Variants in ANKRD11 observed in about 807,000 individuals in gnomAD.
ANKRD11 encodes the protein ankyrin repeat domain 11, also known as ankyrin repeat domain-containing protein 11.
ANKRD11 carries 17 observed loss-of-function variants against 195.7 expected under a neutral mutation model. The ratio of observed to expected loss-of-function variants is 0.09; its 90% CI spans 0.06 to 0.13. The LOEUF (loss-of-function observed/expected upper bound fraction) is 0.13. ANKRD11 is among the 10% of genes least tolerant of loss of function. The pLI is 1.00. For synonymous variants in ANKRD11, 1,953 were observed against 1,528.1 expected (o/e 1.28, Z -6.49); for missense variants, 3,735 against 3,566.1 (o/e 1.05, Z -1.21).
intron 2 of ANKRD11, among the ~76,000 whole-genome samples, chr16:89,367,806 G>T (rs2040013191): frequency 6.6e-6 from 1 of 152,148 alleles, no homozygotes; most frequent in African/African-American, 2.4e-5. Context: ...TCAAAAGCAG[G>T]TGGGGAGCCT....
intron 2 of ANKRD11, among the ~76,000 whole-genome samples, chr16:89,338,728 A>G (rs949675493): frequency 7.0e-6 from 1 of 141,896 alleles, no homozygotes; most frequent in African/African-American, 2.6e-5. Flanking sequence ...CTCAGTCTCA[A>G]AAAAAAAAAA....
At chr16:89,275,569 T>G (rs1259772089) in intron 9 of ANKRD11, among the ~76,000 whole-genome samples, 2 of 152,046 alleles carry the variant, frequency 1.3e-5, no homozygotes, top group African/African-American at 2.4e-5. Context: ...GAGCTTCCTG[T>G]GTTCACAGGG....
chr16:89,279,625 G>C lies in ANKRD11; in HGVS notation c.6917C>G (p.Pro2306Arg). The change falls in exon 9 of 13, where the codon CCT (proline) becomes CGT (arginine). Residue 2306 changes from proline to arginine, a missense_variant. Transcript: ENST00000301030. This position sits in a 1 kb window ranked among gnomAD's most constrained non-coding sequence, Gnocchi z 5.6. ...ASRAAAPAEG[P>R]PGGIQPEAAE... ...GGCTTCCGGCTGGATGCCGCCAGGAGGGCCTTCGGCTGGGGCGGCGGCACG... is the reference window on the plus strand; with the variant it reads ...GGCTTCCGGCTGGATGCCGCCAGGACGGCCTTCGGCTGGGGCGGCGGCACG... 2 of 1,438,610 alleles carry C rather than the reference G, an allele frequency of 1.4e-6. No individual in the cohort carries two copies. The highest frequency in any genetic ancestry group is 2.9e-5 in the South Asian group (2 of 68,320). 89.1% of individuals were successfully genotyped at this position (1,438,610 alleles called of 1,614,324 possible).
At chr16:89,469,034 T>C (rs955477771) in intron 1 of ANKRD11, among the ~76,000 whole-genome samples, 4 of 152,174 alleles carry the variant, frequency 2.6e-5, no homozygotes, top group Admixed American at 2.0e-4. Context: ...AAAGTGCCTT[T>C]ATGAAATCCC....
Position 89,279,061 on chromosome 16 carries a change from C to A in ANKRD11, c.7470+11G>T. ...AGAGAAGGCAGTGGCTCTCCCGGGC[C>A]CCGCACTCACCACGGGGATGTGGAG... On this transcript the variant is annotated intron_variant, in intron 9 of 12. Coordinates refer to ENST00000301030, the MANE Select transcript of ANKRD11 (RefSeq NM_013275.6). This position sits in a 1 kb window ranked among gnomAD's most constrained non-coding sequence, Gnocchi z 5.6. The A allele has an allele frequency of 6.2e-7, 1 of 1,613,734 alleles. No individual in the cohort carries two copies. Among genetic ancestry groups the A allele is most frequent in the Non-Finnish European group, 8.5e-7 (1 of 1,179,854 alleles).
intron 2 of ANKRD11, among the ~76,000 whole-genome samples, chr16:89,394,448 G>A (rs1200438115): frequency 6.6e-6 from 1 of 152,208 alleles, no homozygotes; most frequent in African/African-American, 2.4e-5. Flanking sequence ...GGCCAACATG[G>A]TGAAACCCTG....
intron 2 of ANKRD11, chr16:89,392,536 G>GC (rs1383305824): frequency 6.6e-6 from 1 of 152,038 alleles, no homozygotes; most frequent in African/African-American, 2.4e-5. Flanking sequence ...GCACTGTGAT[G>GC]CCACGCTGAG....
chr16:89,351,950 G>C lies in ANKRD11; in HGVS notation c.-59-34872C>G, dbSNP rs536630668. Among the ~76,000 whole-genome samples the C allele has an allele frequency of 3.3e-5, 5 of 152,068 alleles. 1 individual carries two copies. The highest frequency in any genetic ancestry group is 5.9e-5 in the Non-Finnish European group (4 of 68,004). ...TTTTTGGAGACAGTCTCACTCTGTC[G>C]CCCAGGATGGAGTGCAGTGGTGCGA... On this transcript the variant is annotated intron_variant, in intron 2 of 12. Coordinates refer to ENST00000301030, the MANE Select transcript of ANKRD11 (RefSeq NM_013275.6).
intron 1 of ANKRD11, among the ~76,000 whole-genome samples, chr16:89,445,597 T>G (rs889297605): frequency 2.0e-5 from 3 of 152,146 alleles, no homozygotes; most frequent in Non-Finnish European, 2.9e-5. Flanking sequence ...ACAGGGACAA[T>G]GTCCTGCCTG....
At chr16:89,351,828 A>G (rs941378870) in intron 2 of ANKRD11, among the ~76,000 whole-genome samples, 3 of 152,208 alleles carry the variant, frequency 2.0e-5, no homozygotes, top group Non-Finnish European at 4.4e-5. Flanking sequence ...TGGTGGTTGA[A>G]CAGACCCGTG....
At chr16:89,424,836 C>A (rs1167125993) in intron 1 of ANKRD11, among the ~76,000 whole-genome samples, 1 of 152,062 alleles carries the variant, frequency 6.6e-6, no homozygotes, top group Non-Finnish European at 1.5e-5. Flanking sequence ...GGGACGGGGG[C>A]CCCCAGTGGT....
chr16:89,385,867 C>T (rs2040886102), intron 2 of ANKRD11, among the ~76,000 whole-genome samples: 1 of 152,242 alleles, frequency 6.6e-6, no homozygotes, highest in Non-Finnish European at 1.5e-5. Flanking sequence ...GCCAAGAGCT[C>T]CATTTGTGAC....
At position 89,281,566 on chromosome 16, in the gene ANKRD11, G is replaced by C. The variant is rs754486992; in HGVS notation, c.4976C>G (p.Pro1659Arg). ...CTTATTTTCCGCGGCAGGTGGAATA[G>C]GAGTCGACTCTTTGAGCTTTTTGTC... ...FKDKKLKEST[P>R]IPPAAENKLH... Residue 1659 changes from proline (P) to arginine (R), a missense_variant, in exon 9 of 13, where the codon CCT becomes CGT. Coordinates refer to ENST00000301030, the MANE Select transcript of ANKRD11 (RefSeq NM_013275.6). The surrounding 1 kb of genome is among the most constrained non-coding windows in gnomAD (Gnocchi z 5.5). 3.1e-6 allele frequency: 5 copies of C among 1,614,098 alleles called. No homozygotes were observed. The highest frequency in any genetic ancestry group is 1.7e-5 in the Admixed American group (1 of 60,016).
intron 2 of ANKRD11, among the ~76,000 whole-genome samples, chr16:89,367,349 G>A (rs957476796): frequency 2.0e-5 from 3 of 152,376 alleles, no homozygotes; most frequent in African/African-American, 4.8e-5. Flanking sequence ...GCGGCGCCCA[G>A]AGCGGCAGAC....
chr16:89,344,066 C>G (rs942217554), intron 2 of ANKRD11, among the ~76,000 whole-genome samples: 2 of 152,160 alleles, frequency 1.3e-5, no homozygotes, highest in Non-Finnish European at 2.9e-5. Flanking sequence ...CTGCTCCCAG[C>G]GGAAGCTTTT....
At chr16:89,353,350 A>AGAG (rs1555550449) in intron 2 of ANKRD11, among the ~76,000 whole-genome samples, 4 of 149,558 alleles carry the variant, frequency 2.7e-5, no homozygotes, top group African/African-American at 9.9e-5. Flanking sequence ...TCCAAAAAAA[A>AGAG]AGAGAGAGAG....
chr16:89,439,615 C>G (rs147864901), intron 1 of ANKRD11, among the ~76,000 whole-genome samples: 1 of 152,194 alleles, frequency 6.6e-6, no homozygotes, highest in African/African-American at 2.4e-5. Flanking sequence ...GCAATTGAGG[C>G]TGTGAATACA....
At chr16:89,484,374 G>A (rs2057538707) in intron 1 of ANKRD11, among the ~76,000 whole-genome samples, 1 of 152,192 alleles carries the variant, frequency 6.6e-6, no homozygotes, top group South Asian at 2.1e-4. Context: ...CAGCCATAAT[G>A]ATTTCAAGTT....
At chr16:89,398,323 C>T (rs2041544737) in intron 2 of ANKRD11, among the ~76,000 whole-genome samples, 1 of 136,806 alleles carries the variant, frequency 7.3e-6, no homozygotes, top group Admixed American at 7.4e-5. Context: ...CACTGTGAAA[C>T]AGCTGAAGAC....
Sources: gnomAD v4.1 joint callset for allele counts (sites outside exome capture counted in the v4.1 genomes callset) on GRCh38, gnomAD v4.1.1 for gene constraint, Gnocchi (gnomAD v3.1) non-coding constraint, MANE v1.5 for transcripts, NCBI Gene and HGNC (gene_info 2026-07-23, HGNC 2026-07-21) for gene names.